Variants in ABCC9 observed in about 807,000 individuals in gnomAD.
ABCC9 encodes ATP-binding cassette sub-family C member 9.
ABCC9 carries 95 observed loss-of-function variants against 188.3 expected under a neutral mutation model. The observed-to-expected ratio is 0.50, with a 90% CI of 0.43 to 0.60. ABCC9 has a LOEUF of 0.60. Ranked by LOEUF, ABCC9 falls within the 20% of genes least tolerant of loss-of-function variation. ABCC9 has a pLI of 0.00. For missense variants in ABCC9, 1,102 were observed against 1,876.3 expected (o/e 0.59, Z 7.62); for synonymous variants, 659 against 652.7 (o/e 1.01, Z -0.15).
intron 36 of ABCC9, among the ~76,000 whole-genome samples, chr12:21,810,962 A>G (rs74393119): frequency 0.018 from 2,711 of 152,220 alleles, 74 homozygotes; most frequent in African/African-American, 0.062. Context: ...AGAACAAAAT[A>G]TGGTCAAATG....
chr12:21,840,129 T>A (rs1351877501), intron 29 of ABCC9, among the ~76,000 whole-genome samples: 2 of 152,188 alleles, frequency 1.3e-5, no homozygotes, highest in Admixed American at 6.5e-5. Flanking sequence ...AGGAAACAGT[T>A]ACTTACAAAG....
intron 10 of ABCC9, among the ~76,000 whole-genome samples, chr12:21,909,475 A>C (rs1296538620): frequency 6.6e-6 from 1 of 151,978 alleles, no homozygotes; most frequent in Non-Finnish European, 1.5e-5. Flanking sequence ...GTTTATACAG[A>C]GGAAAAAACT....
intron 16 of ABCC9, among the ~76,000 whole-genome samples, chr12:21,877,062 T>C (rs1224787744): frequency 6.6e-6 from 1 of 152,196 alleles, no homozygotes; most frequent in Non-Finnish European, 1.5e-5. Context: ...GAATTACTGA[T>C]TGCTTTGTAA....
chr12:21,891,842 T>C (rs1160770209), intron 14 of ABCC9, among the ~76,000 whole-genome samples: 1 of 152,206 alleles, frequency 6.6e-6, no homozygotes, highest in Admixed American at 6.6e-5. Context: ...CAACTCACTG[T>C]GGGCCAACTG....
chr12:21,868,053 C>A (rs370534677), intron 18 of ABCC9, among the ~76,000 whole-genome samples: 1 of 152,194 alleles, frequency 6.6e-6, no homozygotes, highest in South Asian at 2.1e-4. Flanking sequence ...CACTTGGATG[C>A]AAGATTGATG....
chr12:21,889,691 C>A (rs1011470418), intron 14 of ABCC9, among the ~76,000 whole-genome samples: 2 of 152,164 alleles, frequency 1.3e-5, no homozygotes, highest in African/African-American at 2.4e-5. Context: ...AATCACGAAT[C>A]TTTCCAGTAT....
chr12:21,925,547 G>A (rs1411177540), intron 5 of ABCC9: 1 of 702,346 alleles, frequency 1.4e-6, no homozygotes, highest in Non-Finnish European at 2.6e-6. Flanking sequence ...GCCAGAGACA[G>A]AAACACCTGG....
At chr12:21,810,788 T>C (rs1174096626) in intron 36 of ABCC9, among the ~76,000 whole-genome samples, 1 of 152,142 alleles carries the variant, frequency 6.6e-6, no homozygotes, top group African/African-American at 2.4e-5. Context: ...AAATTCACTA[T>C]GGTATTGCTA....
At chr12:21,904,941 A>T (rs569466331) in intron 12 of ABCC9, among the ~76,000 whole-genome samples, 1 of 152,340 alleles carries the variant, frequency 6.6e-6, no homozygotes, top group Non-Finnish European at 1.5e-5. Context: ...ATATACCCAA[A>T]GGACTATAAA....
intron 25 of ABCC9, among the ~76,000 whole-genome samples, chr12:21,847,332 A>G (rs1294917727): frequency 6.6e-6 from 1 of 152,210 alleles, no homozygotes; most frequent in Non-Finnish European, 1.5e-5. Context: ...AACATTTTTA[A>G]TCATAGAAAT....
chr12:21,937,081 T>G (rs2138081173), intron 2 of ABCC9, among the ~76,000 whole-genome samples: 1 of 152,244 alleles, frequency 6.6e-6, no homozygotes, highest in South Asian at 2.1e-4. Flanking sequence ...ATTTCAAATA[T>G]TTTCCCATAC....
At chr12:21,881,731 C>CACACACAT (rs1555100187) in intron 16 of ABCC9, among the ~76,000 whole-genome samples, 2 of 151,542 alleles carry the variant, frequency 1.3e-5, no homozygotes, top group Non-Finnish European at 2.9e-5. Context: ...CACACACACA[C>CACACACAT]ACATTTTTTA....
intron 22 of ABCC9, among the ~76,000 whole-genome samples, chr12:21,853,490 G>T (rs1217874515): frequency 6.6e-6 from 1 of 151,978 alleles, no homozygotes; most frequent in East Asian, 1.9e-4. Flanking sequence ...TATAAGAATA[G>T]CATGCCTAAC....
At chr12:21,807,578 G>A in intron 37 of ABCC9, 99 bp from the exon 38 acceptor site, 1 of 1,500,722 alleles carries the variant, frequency 6.7e-7, no homozygotes, top group Non-Finnish European at 9.2e-7. Context: ...ATGACAGCAT[G>A]ATGGATATCA....
intron 37 of ABCC9, among the ~76,000 whole-genome samples, chr12:21,808,216 A>G (rs774822419): frequency 1.3e-5 from 2 of 152,130 alleles, no homozygotes; most frequent in Non-Finnish European, 2.9e-5. Flanking sequence ...ATAATTTGTC[A>G]TGATGGGAAA....
At chr12:21,875,612 G>A (rs530825939) in intron 17 of ABCC9, 42 bp downstream of exon 17, 43 of 1,389,556 alleles carry the variant, frequency 3.1e-5, no homozygotes, top group South Asian at 3.5e-5. Context: ...CTATGGTTAC[G>A]GTCATGAACA....
chr12:21,881,523 T>G (rs1397056016), intron 16 of ABCC9, among the ~76,000 whole-genome samples: 2 of 152,198 alleles, frequency 1.3e-5, no homozygotes, highest in African/African-American at 4.8e-5. Context: ...TTTAGATTCC[T>G]ACTATAGTGA....
At chr12:21,838,235 T>G in intron 29 of ABCC9, 65 bp from the exon 30 acceptor site, 1 of 1,173,838 alleles carries the variant, frequency 8.5e-7, no homozygotes. Flanking sequence ...CCATGTTTAT[T>G]CTTTAAGAGA....
At chr12:21,911,519 A>G (rs1365762036) in intron 8 of ABCC9, among the ~76,000 whole-genome samples, 1 of 151,986 alleles carries the variant, frequency 6.6e-6, no homozygotes, top group African/African-American at 2.4e-5. Context: ...AACTTACAAA[A>G]TTTTGTTTTA....
Sources: gnomAD v4.1 joint callset for allele counts (sites outside exome capture counted in the v4.1 genomes callset) on GRCh38, gnomAD v4.1.1 for gene constraint, MANE v1.5 for transcripts, NCBI Gene and HGNC (gene_info 2026-07-23, HGNC 2026-07-21) for gene names.